Variants in CNTN5 observed in about 807,000 individuals in gnomAD.
CNTN5 encodes the protein contactin 5, also known as contactin-5.
In CNTN5, 77 loss-of-function variants were observed where a neutral mutation model predicts 129.1. That is an observed-to-expected ratio of 0.60 (90% CI 0.50 to 0.72). CNTN5 has a LOEUF of 0.72. Among genes scored for constraint, CNTN5 ranks in the 30% least tolerant of loss-of-function variants. The probability of loss-of-function intolerance (pLI) is 0.00; values close to 1 mark genes in which losing one functional copy is unlikely to be tolerated. For missense variants in CNTN5, 1,478 were observed against 1,328.8 expected, an observed-to-expected ratio of 1.11 and a Z score of -1.75; for synonymous variants, 509 against 465.6, an observed-to-expected ratio of 1.09 and a Z score of -1.20.
At chr11:99,127,162 C>T (rs992404340) in intron 1 of CNTN5, among the ~76,000 whole-genome samples, 1 of 152,172 alleles carries the variant, frequency 6.6e-6, no homozygotes, top group African/African-American at 2.4e-5. Context: ...AAACAGAACC[C>T]ATTATAGCCT....
At chr11:99,415,544 T>A (rs1228152535) in intron 2 of CNTN5, among the ~76,000 whole-genome samples, 1 of 152,176 alleles carries the variant, frequency 6.6e-6, no homozygotes, top group Non-Finnish European at 1.5e-5. Context: ...GTTAAAGTAA[T>A]ACTTTCAGGT....
chr11:100,168,010 A>G (rs1431249329), intron 13 of CNTN5, among the ~76,000 whole-genome samples: 2 of 152,036 alleles, frequency 1.3e-5, no homozygotes, highest in African/African-American at 2.4e-5. Flanking sequence ...CAACCACAAC[A>G]TTCCCTTAAA....
At chr11:99,726,025 C>T (rs1943325842) in intron 3 of CNTN5, among the ~76,000 whole-genome samples, 2 of 152,148 alleles carry the variant, frequency 1.3e-5, no homozygotes, top group African/African-American at 4.8e-5. Context: ...TCTGAAGTAG[C>T]CAACTCTAAG....
At chr11:99,744,353 CAG>C (rs1943977864) in intron 3 of CNTN5, among the ~76,000 whole-genome samples, 1 of 151,646 alleles carries the variant, frequency 6.6e-6, no homozygotes, top group African/African-American at 2.4e-5. Flanking sequence ...AAAGAAAACA[CAG>C]AGCAACAAGT....
Position 99,963,224 on chromosome 11 carries a change from G to T in CNTN5, c.877+6215G>T, listed in dbSNP as rs537021352. On this transcript the variant is annotated intron_variant, in intron 8 of 24. Coordinates refer to ENST00000524871, the MANE Select transcript of CNTN5 (RefSeq NM_014361.4). Reference sequence around the variant, plus strand: ...TTGCTTTTGGTGTTTTAGACATGAAGTCCTTGCCCATGCCTGTGTCCTGAA... The same window carrying T: ...TTGCTTTTGGTGTTTTAGACATGAATTCCTTGCCCATGCCTGTGTCCTGAA... Among the ~76,000 whole-genome samples the T allele has an allele frequency of 2.3e-3, 352 of 152,236 alleles. 1 individual carries two copies. The highest frequency in any genetic ancestry group is 7.8e-3 in the African/African-American group (322 of 41,542).
At chr11:99,125,797 A>G (rs1458839603) in intron 1 of CNTN5, among the ~76,000 whole-genome samples, 1 of 152,174 alleles carries the variant, frequency 6.6e-6, no homozygotes, top group East Asian at 1.9e-4. Context: ...ATAGTCTTCT[A>G]TGTTTAATAT....
At chr11:99,729,211 G>A (rs1943447382) in intron 3 of CNTN5, among the ~76,000 whole-genome samples, 1 of 152,108 alleles carries the variant, frequency 6.6e-6, no homozygotes, top group Non-Finnish European at 1.5e-5. Flanking sequence ...AATTCCATTT[G>A]GGGGAAAAGT....
chr11:99,809,472 T>A (rs952027699), intron 3 of CNTN5, among the ~76,000 whole-genome samples: 2 of 152,188 alleles, frequency 1.3e-5, no homozygotes, highest in Non-Finnish European at 2.9e-5. Flanking sequence ...AAATAAATTT[T>A]AAATCCTATA....
rs1444383905 is a variant in CNTN5 at position 99,995,988 on chromosome 11, C to T, written c.878-6046C>T. Among the ~76,000 whole-genome samples, 5 of 152,304 alleles carry T rather than the reference C, an allele frequency of 3.3e-5. No individual in the cohort carries two copies. The South Asian group carries it at 8.3e-4, about 25-fold the overall frequency. ...CTCATTTTTACTGTGTGGTCAGATA[C>T]TTTCTTCTGAATATCTTGTAGGTAC... On this transcript the variant is annotated intron_variant, in intron 8 of 24. Transcript: ENST00000524871.
At chr11:100,045,201 A>G (rs1245277389) in intron 9 of CNTN5, among the ~76,000 whole-genome samples, 3 of 152,226 alleles carry the variant, frequency 2.0e-5, no homozygotes, top group East Asian at 1.9e-4. Context: ...TATTCCAGCC[A>G]AGTAAATAAA....
chr11:99,598,778 A>G (rs1219376344), intron 3 of CNTN5, among the ~76,000 whole-genome samples: 8 of 152,032 alleles, frequency 5.3e-5, no homozygotes, highest in African/African-American at 1.9e-4. Flanking sequence ...TTTTGCTAAT[A>G]TTACTGTGGA....
At position 99,764,381 on chromosome 11, in the gene CNTN5, A is replaced by G. The variant is rs115090925; in HGVS notation, c.56-55163A>G. On this transcript the variant is annotated intron_variant, in intron 3 of 24. Coordinates refer to ENST00000524871, the MANE Select transcript of CNTN5 (RefSeq NM_014361.4). ...TCAGCCACATTAAAAAAAAATAAAG[A>G]AGAAACACTGGAAATCAATTTTTTG... 3.2e-3 allele frequency among the ~76,000 whole-genome samples: 491 copies of G among 151,770 alleles called. 3 individuals carry two copies. Among genetic ancestry groups the G allele is most frequent in the African/African-American group, 0.012 (481 of 41,438 alleles).
intron 18 of CNTN5, among the ~76,000 whole-genome samples, chr11:100,283,152 G>T (rs1950678209): frequency 6.6e-6 from 1 of 152,146 alleles, no homozygotes; most frequent in African/African-American, 2.4e-5. Context: ...GATTAATCCT[G>T]CCAAGACTGG....
chr11:100,063,150 G>A (rs761563761), intron 10 of CNTN5, among the ~76,000 whole-genome samples: 2 of 152,042 alleles, frequency 1.3e-5, no homozygotes, highest in African/African-American at 4.8e-5. Context: ...AGGGACTGAG[G>A]CTCCTACATA....
chr11:99,200,013 G>T (rs11822998), intron 1 of CNTN5, among the ~76,000 whole-genome samples: 4,486 of 152,084 alleles, frequency 0.029, 214 homozygotes, highest in African/African-American at 0.1. Flanking sequence ...GATAATATAG[G>T]TCTTTGTTCT....
intron 1 of CNTN5, among the ~76,000 whole-genome samples, chr11:99,081,850 A>G (rs1317038869): frequency 1.3e-5 from 2 of 152,196 alleles, no homozygotes; most frequent in Non-Finnish European, 2.9e-5. Context: ...ATTTATTAAT[A>G]TAATGCTTGA....
At chr11:99,222,971 A>C (rs1860474814) in intron 1 of CNTN5, among the ~76,000 whole-genome samples, 1 of 152,156 alleles carries the variant, frequency 6.6e-6, no homozygotes. Flanking sequence ...CAGGAGTATC[A>C]ATAGTGATCA....
intron 16 of CNTN5, among the ~76,000 whole-genome samples, chr11:100,234,792 T>TAAAA (rs781363668): frequency 3.2e-3 from 324 of 101,772 alleles, no homozygotes; most frequent in East Asian, 0.012. Context: ...TCCCAGAATT[T>TAAAA]AAAAAAAAAA....
intron 3 of CNTN5, among the ~76,000 whole-genome samples, chr11:99,661,652 G>A (rs1293900000): frequency 6.6e-6 from 1 of 151,900 alleles, no homozygotes; most frequent in African/African-American, 2.4e-5. Context: ...ATGGACTAAT[G>A]CATATGCATT....
Sources: allele counts gnomAD v4.1 joint callset (sites outside exome capture counted in the v4.1 genomes callset), GRCh38; gene constraint gnomAD v4.1.1; transcripts MANE v1.5; gene names NCBI Gene and HGNC (gene_info 2026-07-23, HGNC 2026-07-21).